The following BRINP2 variants were observed in gnomAD, a reference collection of about 807,000 sequenced individuals.
BRINP2 encodes BMP/retinoic acid-inducible neural-specific protein 2.
A neutral mutation model predicts 69.2 loss-of-function variants in BRINP2; 21 were observed. That is an observed-to-expected ratio of 0.30 (90% confidence interval 0.22 to 0.44). BRINP2 has a LOEUF of 0.44. Ranked by LOEUF, BRINP2 falls within the 20% of genes least tolerant of loss-of-function variation. The pLI is 1.00. For missense variants in BRINP2, 877 were observed against 986.0 expected, an observed-to-expected ratio of 0.89 and a Z score of 1.48; for synonymous variants, 380 against 394.1, an observed-to-expected ratio of 0.96 and a Z score of 0.42.
intron 2 of BRINP2, among the ~76,000 whole-genome samples, chr1:177,253,715 T>C (rs1265987472): frequency 2.0e-5 from 3 of 152,172 alleles, no homozygotes; most frequent in East Asian, 3.8e-4. Flanking sequence ...TTTTTGTACA[T>C]GGTGAAAGAT....
chr1:177,252,261 G>C (rs1014776426), intron 2 of BRINP2, among the ~76,000 whole-genome samples: 1 of 152,124 alleles, frequency 6.6e-6, no homozygotes, highest in Non-Finnish European at 1.5e-5. Context: ...AAGCTACACA[G>C]CGGGAATTTT....
chr1:177,175,998 G>A (rs1473284849), intron 1 of BRINP2, among the ~76,000 whole-genome samples: 1 of 152,114 alleles, frequency 6.6e-6, no homozygotes, highest in African/African-American at 2.4e-5. Flanking sequence ...TTCAAACTGG[G>A]GACTATGGTG....
intron 2 of BRINP2, among the ~76,000 whole-genome samples, chr1:177,255,272 C>T (rs1234618781): frequency 1.3e-5 from 2 of 152,126 alleles, no homozygotes; most frequent in Non-Finnish European, 2.9e-5. Context: ...TGTTTTGTTT[C>T]AGAACATACA....
At chr1:177,196,027 C>A (rs904323041) in intron 1 of BRINP2, among the ~76,000 whole-genome samples, 1 of 152,186 alleles carries the variant, frequency 6.6e-6, no homozygotes, top group Non-Finnish European at 1.5e-5. Context: ...TATGAAAGTG[C>A]TTTGAAAACT....
chr1:177,256,307 T>G (rs1194892542), intron 3 of BRINP2, 198 bp downstream of exon 3: 8 of 984,370 alleles, frequency 8.1e-6, no homozygotes, highest in African/African-American at 1.7e-5. Context: ...AATTATTCCC[T>G]GAGGAGGGGA....
In BRINP2 at chr1:177,281,627, C is replaced by T. The variant is rs1015009484; in HGVS notation, c.*99C>T. 1 of 1,445,394 alleles carries T rather than the reference C, an allele frequency of 6.9e-7. No homozygotes were observed. The highest frequency in any genetic ancestry group is 2.3e-5 in the Admixed American group (1 of 43,798). The allele number at this position is 1,445,394 out of a possible 1,614,324, so 89.5% of individuals were successfully genotyped here. ...CCTTAGTGCCAACAGGGTGTGCTCC[C>T]ACGAGACTTTCAGCATCCAGTAGAT... On this transcript the variant is annotated 3_prime_UTR_variant, in exon 8 of 8. Transcript: ENST00000361539.
At chr1:177,205,107 G>A (rs1484157174) in intron 1 of BRINP2, among the ~76,000 whole-genome samples, 1 of 152,096 alleles carries the variant, frequency 6.6e-6, no homozygotes, top group Non-Finnish European at 1.5e-5. Context: ...TGGGGGAAGT[G>A]TCAACAAATA....
intron 2 of BRINP2, among the ~76,000 whole-genome samples, chr1:177,253,028 T>G (rs1361155572): frequency 2.6e-5 from 4 of 152,104 alleles, no homozygotes; most frequent in African/African-American, 9.6e-5. Context: ...GATATCTCTT[T>G]GATATACTAA....
At chr1:177,267,219 CA>C (rs1651156535) in intron 4 of BRINP2, among the ~76,000 whole-genome samples, 1 of 151,208 alleles carries the variant, frequency 6.6e-6, no homozygotes, top group Non-Finnish European at 1.5e-5. Flanking sequence ...CACAGCTCTC[CA>C]AAGACTAGGC....
intron 2 of BRINP2, among the ~76,000 whole-genome samples, chr1:177,252,179 A>C (rs2102342909): frequency 1.3e-5 from 2 of 152,334 alleles, no homozygotes; most frequent in South Asian, 2.1e-4. Context: ...ACTTTAATTA[A>C]AGCTTAGCAT....
chr1:177,217,093 G>A (rs1649402790), intron 1 of BRINP2, among the ~76,000 whole-genome samples: 1 of 151,078 alleles, frequency 6.6e-6, no homozygotes. Flanking sequence ...TATGTTTTAT[G>A]GCCTTTTTCT....
At chr1:177,242,478 T>A (rs1320375238) in intron 2 of BRINP2, among the ~76,000 whole-genome samples, 2 of 152,114 alleles carry the variant, frequency 1.3e-5, no homozygotes, top group African/African-American at 4.8e-5. Flanking sequence ...GTCCTGTGTC[T>A]TTCCATAACC....
intron 3 of BRINP2, chr1:177,256,484 C>T (rs1226158995): frequency 4.1e-6 from 4 of 985,334 alleles, no homozygotes; most frequent in Non-Finnish European, 4.8e-6. Flanking sequence ...AGTCGAAGTC[C>T]CTGGAGTCCC....
intron 1 of BRINP2, among the ~76,000 whole-genome samples, chr1:177,219,364 A>G (rs940051163): frequency 1.1e-4 from 16 of 152,336 alleles, no homozygotes; most frequent in African/African-American, 3.8e-4. Context: ...TTATCAAACA[A>G]ACAAAGCACT....
In BRINP2 at chr1:177,270,085, G is replaced by GGT. The variant is rs1469516471; in HGVS notation, c.670-3402_670-3401insTG. On this transcript the variant is annotated intron_variant, in intron 4 of 7. Coordinates refer to ENST00000361539, the MANE Select transcript of BRINP2 (RefSeq NM_021165.4). ...TTCCTCACTTTGGGGCAAGGGGTGGGGGGGGTGGTTCTCAAGCTATTCTGC... is the reference window on the plus strand; with the variant it reads ...TTCCTCACTTTGGGGCAAGGGGTGGGGTGGGGGTGGTTCTCAAGCTATTCTGC... Among the ~76,000 whole-genome samples, 5 of 139,240 alleles carry GGT rather than the reference G, an allele frequency of 3.6e-5. 1 individual carries two copies. The East Asian group carries it at 9.7e-4, about 27-fold the overall frequency. 91.3% of individuals were successfully genotyped at this position (139,240 alleles called of 152,430 possible). A position where few individuals can be genotyped will look rare whatever the true frequency, so the allele number is the denominator to read the frequency against.
chr1:177,171,076 C>G lies in BRINP2; in HGVS notation c.-733C>G, dbSNP rs1647912071. Among the ~76,000 whole-genome samples the G allele has an allele frequency of 6.6e-6, 1 of 152,240 alleles. No individual in the cohort carries two copies. Among genetic ancestry groups the G allele is most frequent in the Admixed American group, 6.5e-5 (1 of 15,294 alleles). ...AAGCTGCTCGCCGCTGCGCTGGCAG[C>G]GCTTACGCTGAGCTCGGAGGATCCC... On this transcript the variant is annotated 5_prime_UTR_variant, in exon 1 of 8. Transcript: ENST00000361539.
At position 177,203,206 on chromosome 1, in the gene BRINP2, T is replaced by A. The variant is rs865807009; in HGVS notation, c.-76-26595T>A. 6.6e-5 allele frequency among the ~76,000 whole-genome samples: 10 copies of A among 150,518 alleles called. No homozygotes were observed. The South Asian group carries it at 1.0e-3, about 16-fold the overall frequency. On this transcript the variant is annotated intron_variant, in intron 1 of 7. Coordinates refer to ENST00000361539, the MANE Select transcript of BRINP2 (RefSeq NM_021165.4). ...CGTGGATGAAGCTGGAAACCATCAT[T>A]CTCAGCAAACTATCGCAAGGACAAA... is the stretch of plus-strand genomic sequence containing the variant.
chr1:177,173,769 C>T lies in BRINP2; in HGVS notation c.-77+2037C>T, dbSNP rs140400041. On this transcript the variant is annotated intron_variant, in intron 1 of 7. Transcript: ENST00000361539. ...AAGACACAGGCTGGCCACTGGAGAG[C>T]ATCACAGAAAAATGATACACTCCCT... Among the ~76,000 whole-genome samples, 912 of 152,298 alleles carry T rather than the reference C, an allele frequency of 6.0e-3. 8 individuals are homozygous for T. The highest frequency in any genetic ancestry group is 0.021 in the African/African-American group (862 of 41,566).
Position 177,276,417 on chromosome 1 carries a change from G to A in BRINP2, c.995G>A (p.Arg332Gln), listed in dbSNP as rs147553727. 2.0e-5 allele frequency: 33 copies of A among 1,614,098 alleles called. No homozygotes were observed. Among genetic ancestry groups the A allele is most frequent in the Middle Eastern group, 1.7e-4 (1 of 6,060 alleles). Residue 332 changes from arginine to glutamine, a missense_variant, in exon 6 of 8, where the codon CGG becomes CAG. This residue lies in a region of BRINP2 where 566 missense variants were observed against 625.2 expected (regional missense o/e 0.91). Coordinates refer to ENST00000361539, the MANE Select transcript of BRINP2 (RefSeq NM_021165.4). ...CAGGACTCCTGGGCCACTCACAACC[G>A]GCAGTTTGAAGAGTCAGGTGAGCAG... The part of the protein sequence containing the change: ...QIQDSWATHN[R>Q]QFEESEEFQA...
Sources: allele counts gnomAD v4.1 joint callset (sites outside exome capture counted in the v4.1 genomes callset), GRCh38; gene constraint gnomAD v4.1.1; regional missense constraint gnomAD v4.1.1; transcripts MANE v1.5; gene names NCBI Gene and HGNC (gene_info 2026-07-23, HGNC 2026-07-21).